The following SDK1 variants were observed in gnomAD, a reference collection of about 807,000 sequenced individuals.
SDK1 encodes the protein sidekick cell adhesion molecule 1.
Under a neutral mutation model 245.5 loss-of-function variants are expected in SDK1, and 157 were observed. The ratio of observed to expected loss-of-function variants is 0.64; its 90% CI spans 0.56 to 0.73. SDK1 has a LOEUF of 0.73. SDK1 is among the 30% of genes least tolerant of loss of function. SDK1 has a pLI of 0.00. For synonymous variants in SDK1, 1,647 were observed against 1,278.5 expected (o/e 1.29, Z -6.15); for missense variants, 3,583 against 3,002.3 (o/e 1.19, Z -4.52).
intron 5 of SDK1, among the ~76,000 whole-genome samples, chr7:3,917,989 G>T (rs1039701635): frequency 3.3e-5 from 5 of 152,064 alleles, no homozygotes; most frequent in Non-Finnish European, 7.4e-5. Flanking sequence ...TCTGTTTCAG[G>T]GCCCAAGAAA....
intron 2 of SDK1, among the ~76,000 whole-genome samples, chr7:3,632,950 T>G (rs1782342296): frequency 6.6e-6 from 1 of 152,222 alleles, no homozygotes; most frequent in Admixed American, 6.5e-5. Context: ...ATTTTTTAAA[T>G]TTCATGTAGA....
intron 9 of SDK1, among the ~76,000 whole-genome samples, chr7:3,965,001 G>A (rs1038124954): frequency 6.6e-6 from 1 of 152,184 alleles, no homozygotes; most frequent in Non-Finnish European, 1.5e-5. Context: ...AGAATTATTT[G>A]AAGCCTATCT....
rs553925754 is a variant in SDK1, at chr7:4,052,398, C to T, written c.2911+568C>T. 3.3e-5 allele frequency among the ~76,000 whole-genome samples: 5 copies of T among 151,874 alleles called. No homozygotes were observed. The South Asian group carries it at 6.3e-4, about 19-fold the overall frequency. On this transcript the variant is annotated intron_variant, in intron 19 of 44. Transcript: ENST00000404826. ...CACAAAGATTTATATATATACAAGG[C>T]GGCTCGTTACAGTTATTTGTAGCTG...
At chr7:4,017,146 G>C in intron 16 of SDK1, 25 bp from the exon 17 acceptor site, 1 of 1,584,718 alleles carries the variant, frequency 6.3e-7, no homozygotes, top group Non-Finnish European at 8.6e-7. Flanking sequence ...TTTCCTTATC[G>C]TGATGGGCTT....
chr7:4,171,187 C>T (rs1439922374), intron 32 of SDK1, among the ~76,000 whole-genome samples: 2 of 152,184 alleles, frequency 1.3e-5, no homozygotes, highest in Non-Finnish European at 2.9e-5. Context: ...ATGGGGTGGC[C>T]ACGTGCCCCA....
chr7:3,965,250 A>G (rs370585026), intron 9 of SDK1, among the ~76,000 whole-genome samples: 66 of 152,150 alleles, frequency 4.3e-4, no homozygotes, highest in Non-Finnish European at 7.6e-4. Context: ...TCTCCATTCC[A>G]GTGAGAGACT....
intron 1 of SDK1, among the ~76,000 whole-genome samples, chr7:3,561,629 C>G (rs1018850007): frequency 1.3e-5 from 2 of 152,196 alleles, no homozygotes; most frequent in Non-Finnish European, 2.9e-5. Context: ...TGAATCAAGA[C>G]TGGTTCCCTC....
intron 28 of SDK1, among the ~76,000 whole-genome samples, chr7:4,132,776 ACAAT>A (rs1384635594): frequency 6.6e-6 from 1 of 152,148 alleles, no homozygotes; most frequent in Non-Finnish European, 1.5e-5. Flanking sequence ...GAGAGAAATA[ACAAT>A]CAAGTTGATG....
intron 1 of SDK1, among the ~76,000 whole-genome samples, chr7:3,407,500 T>A (rs1021803733): frequency 6.6e-6 from 1 of 152,148 alleles, no homozygotes; most frequent in Non-Finnish European, 1.5e-5. Flanking sequence ...AGTGAACCAG[T>A]AAAATGAAGG....
intron 12 of SDK1, among the ~76,000 whole-genome samples, chr7:3,974,009 T>A (rs773546255): frequency 8.0e-5 from 12 of 150,898 alleles, no homozygotes; most frequent in Non-Finnish European, 1.5e-4. Context: ...TGGCAAAACC[T>A]CATCTCTATT....
At chr7:3,670,721 G>C (rs1001203119) in intron 4 of SDK1, among the ~76,000 whole-genome samples, 2 of 152,144 alleles carry the variant, frequency 1.3e-5, no homozygotes, top group African/African-American at 4.8e-5. Flanking sequence ...TGCTTCCCTT[G>C]CTTAGTACTG....
intron 14 of SDK1, among the ~76,000 whole-genome samples, chr7:4,005,847 G>A (rs1398397082): frequency 3.9e-5 from 6 of 152,142 alleles, no homozygotes; most frequent in African/African-American, 1.2e-4. Context: ...CCTGAGCCAC[G>A]TGGCGAAATC....
chr7:3,777,443 T>C (rs1185418630), intron 4 of SDK1, among the ~76,000 whole-genome samples: 1 of 152,212 alleles, frequency 6.6e-6, no homozygotes, highest in Non-Finnish European at 1.5e-5. Flanking sequence ...AGGATGGTTG[T>C]CATTTTACAG....
At chr7:4,231,620 C>T (rs952274867) in intron 40 of SDK1, among the ~76,000 whole-genome samples, 3 of 140,308 alleles carry the variant, frequency 2.1e-5, no homozygotes, top group African/African-American at 7.7e-5. Context: ...AGAGAGAAAG[C>T]AATCAGAGAG....
At chr7:3,301,983 G>A (rs10238520) in intron 1 of SDK1, 99 bp downstream of exon 1, 399,147 of 907,978 alleles carry the variant, frequency 0.44, 89,680 homozygotes, top group South Asian at 0.52. Context: ...CCGCTTCCCG[G>A]CCCGGGTCGG....
intron 1 of SDK1, among the ~76,000 whole-genome samples, chr7:3,332,793 T>C (rs1406454811): frequency 2.0e-5 from 3 of 152,186 alleles, no homozygotes; most frequent in Admixed American, 1.3e-4. Context: ...CAGGAATAGA[T>C]ACAGAAAATA....
At position 3,526,389 on chromosome 7, in the gene SDK1, G is replaced by A. The variant is rs147516387; in HGVS notation, c.299-92691G>A. 8.5e-5 allele frequency among the ~76,000 whole-genome samples: 13 copies of A among 152,200 alleles called. No homozygotes were observed. In the East Asian group the frequency reaches 2.1e-3, roughly 25 times the overall value. Reference sequence around the variant, plus strand: ...ATATTGGAGATAATTTTTGAAGTCAGTTCTTTGTCTATGATATATTATAAC... The same window carrying A: ...ATATTGGAGATAATTTTTGAAGTCAATTCTTTGTCTATGATATATTATAAC... On this transcript the variant is annotated intron_variant, in intron 1 of 44. Transcript: ENST00000404826.
chr7:3,516,091 C>G (rs947022581), intron 1 of SDK1, among the ~76,000 whole-genome samples: 4 of 149,302 alleles, frequency 2.7e-5, no homozygotes, highest in Non-Finnish European at 5.9e-5. Flanking sequence ...CACCTTTGTT[C>G]CTGTTCTTTA....
At chr7:3,432,364 G>A (rs1472481008) in intron 1 of SDK1, among the ~76,000 whole-genome samples, 1 of 151,904 alleles carries the variant, frequency 6.6e-6, no homozygotes, top group African/African-American at 2.4e-5. Context: ...TTTATCTGTT[G>A]CTACTAGAAT....
Sources: allele counts gnomAD v4.1 joint callset (sites outside exome capture counted in the v4.1 genomes callset), GRCh38; gene constraint gnomAD v4.1.1; transcripts MANE v1.5; gene names NCBI Gene and HGNC (gene_info 2026-07-23, HGNC 2026-07-21).